Variants in LIMS1 observed in about 807,000 individuals in gnomAD.
LIMS1 encodes LIM and senescent cell antigen-like-containing domain protein 1.
A neutral mutation model predicts 44.1 loss-of-function variants in LIMS1; 18 were observed. The ratio of observed to expected loss-of-function variants is 0.41; its 90% CI spans 0.28 to 0.61. The LOEUF (loss-of-function observed/expected upper bound fraction) is 0.61. LIMS1 is among the 20% of genes least tolerant of loss of function. The pLI, the probability that LIMS1 is intolerant of heterozygous loss-of-function variation, is 0.32. For synonymous variants in LIMS1, 93 were observed against 149.1 expected (o/e 0.62, Z 2.74); for missense variants, 201 against 422.0 (o/e 0.48, Z 4.59).
intron 2 of LIMS1, among the ~76,000 whole-genome samples, chr2:108,669,036 C>G (rs1223421407): frequency 6.6e-6 from 1 of 151,910 alleles, no homozygotes; most frequent in Non-Finnish European, 1.5e-5. Context: ...GCGTTCAAGA[C>G]AAGCCTGAAC....
At chr2:108,545,976 C>G (rs1684468198) in intron 1 of LIMS1, among the ~76,000 whole-genome samples, 1 of 152,196 alleles carries the variant, frequency 6.6e-6, no homozygotes, top group African/African-American at 2.4e-5. Flanking sequence ...GAGAAGCCCT[C>G]CTTAACTATT....
chr2:108,606,552 T>C (rs913932300), intron 1 of LIMS1, among the ~76,000 whole-genome samples: 6 of 152,256 alleles, frequency 3.9e-5, no homozygotes, highest in Admixed American at 1.3e-4. Context: ...ATGAAGCTTC[T>C]GAACTGAATT....
chr2:108,679,470 A>T (rs1692800871), intron 8 of LIMS1, among the ~76,000 whole-genome samples: 1 of 152,082 alleles, frequency 6.6e-6, no homozygotes. Flanking sequence ...ACAAGAGCAA[A>T]AACTTCGTCT....
At chr2:108,640,555 A>G (rs1427682479) in intron 1 of LIMS1, among the ~76,000 whole-genome samples, 14 of 152,102 alleles carry the variant, frequency 9.2e-5, no homozygotes, top group Admixed American at 9.2e-4. Context: ...GTCCCTCAGT[A>G]CACCTCTGCC....
chr2:108,673,426 T>C, intron 5 of LIMS1: 1 of 275,636 alleles, frequency 3.6e-6, no homozygotes, highest in Non-Finnish European at 7.0e-6. Flanking sequence ...CTCGCTCTAT[T>C]GCCCAGGCTG....
Position 108,619,968 on chromosome 2 carries a change from G to A in LIMS1, c.33-39637G>A, listed in dbSNP as rs77202323. On this transcript the variant is annotated intron_variant, in intron 1 of 9. Transcript: ENST00000544547. Reference sequence around the variant, plus strand: ...TAACTGTCAACTGATTTTTTAAAACGTGTTTCATCACTCATTAAATCTAGT... The same window carrying A: ...TAACTGTCAACTGATTTTTTAAAACATGTTTCATCACTCATTAAATCTAGT... Among the ~76,000 whole-genome samples the A allele has an allele frequency of 1.5e-3, 226 of 152,194 alleles. 1 individual carries two copies. The highest frequency in any genetic ancestry group is 6.8e-3 in the Middle Eastern group (2 of 294).
chr2:108,558,642 AC>A (rs1685009557), intron 1 of LIMS1, among the ~76,000 whole-genome samples: 1 of 150,552 alleles, frequency 6.6e-6, no homozygotes, highest in Admixed American at 6.7e-5. Context: ...CTGTGAGAAA[AC>A]TTTTAAGAAT....
At chr2:108,671,212 C>T (rs1036288613) in intron 3 of LIMS1, among the ~76,000 whole-genome samples, 4 of 151,982 alleles carry the variant, frequency 2.6e-5, no homozygotes, top group African/African-American at 9.7e-5. Context: ...AGTCATTTCA[C>T]ACTGGTGAAG....
intron 1 of LIMS1, among the ~76,000 whole-genome samples, chr2:108,567,842 G>A (rs1386660449): frequency 6.6e-6 from 1 of 152,168 alleles, no homozygotes; most frequent in Non-Finnish European, 1.5e-5. Context: ...AAAATGCTAG[G>A]ATTACAGGCG....
intron 1 of LIMS1, among the ~76,000 whole-genome samples, chr2:108,633,765 G>A (rs1689062895): frequency 1.3e-5 from 2 of 152,144 alleles, no homozygotes; most frequent in Admixed American, 1.3e-4. Context: ...GTTTATAAAA[G>A]GATTAGAGCA....
intron 8 of LIMS1, among the ~76,000 whole-genome samples, chr2:108,679,245 A>G (rs917353785): frequency 3.3e-5 from 5 of 151,754 alleles, no homozygotes; most frequent in South Asian, 4.2e-4. Flanking sequence ...TTGGGAGGCC[A>G]AGGCGGGCAG....
chr2:108,661,648 G>A (rs1691379389), intron 2 of LIMS1, among the ~76,000 whole-genome samples: 1 of 152,142 alleles, frequency 6.6e-6, no homozygotes, highest in African/African-American at 2.4e-5. Context: ...AAATCCCTAG[G>A]TGCTGCGGCA....
At chr2:108,662,824 C>T (rs1691471109) in intron 2 of LIMS1, 1 of 812,832 alleles carries the variant, frequency 1.2e-6, no homozygotes, top group South Asian at 5.4e-5. Flanking sequence ...TTGCTTTTGT[C>T]TCGTTATCAG....
At chr2:108,635,426 C>A (rs1442605265) in intron 1 of LIMS1, among the ~76,000 whole-genome samples, 3 of 71,868 alleles carry the variant, frequency 4.2e-5, no homozygotes, top group African/African-American at 1.1e-4. Flanking sequence ...AAGACTTCAT[C>A]TCTAAAAAAA....
At chr2:108,612,029 T>TACACACAC (rs71381969) in intron 1 of LIMS1, among the ~76,000 whole-genome samples, 17 of 79,952 alleles carry the variant, frequency 2.1e-4, no homozygotes, top group African/African-American at 4.9e-4. Context: ...CACACACATA[T>TACACACAC]ACACACACAC....
intron 1 of LIMS1, among the ~76,000 whole-genome samples, chr2:108,635,919 A>G (rs1048931162): frequency 6.6e-6 from 1 of 152,236 alleles, no homozygotes; most frequent in South Asian, 2.1e-4. Context: ...TCTAAGTACC[A>G]TCAGCTGCAG....
intron 1 of LIMS1, among the ~76,000 whole-genome samples, chr2:108,630,495 T>C (rs960723707): frequency 1.4e-5 from 2 of 147,078 alleles, no homozygotes; most frequent in African/African-American, 5.5e-5. Context: ...GGATTCGTTA[T>C]ACTCACTCGT....
intron 1 of LIMS1, among the ~76,000 whole-genome samples, chr2:108,580,612 A>G (rs973784923): frequency 3.9e-5 from 6 of 152,204 alleles, no homozygotes; most frequent in Non-Finnish European, 8.8e-5. Flanking sequence ...ATGGTGCCAG[A>G]AGTAGATGCA....
intron 1 of LIMS1, among the ~76,000 whole-genome samples, chr2:108,568,000 A>C (rs1052462726): frequency 1.3e-5 from 2 of 152,194 alleles, no homozygotes; most frequent in Non-Finnish European, 2.9e-5. Flanking sequence ...GATTCACCAA[A>C]AATTGGGTAA....
Sources: gnomAD v4.1 joint callset for allele counts (sites outside exome capture counted in the v4.1 genomes callset) on GRCh38, gnomAD v4.1.1 for gene constraint, MANE v1.5 for transcripts, NCBI Gene and HGNC (gene_info 2026-07-23, HGNC 2026-07-21) for gene names.